The following GALNT13 variants were observed in gnomAD, a reference collection of about 807,000 sequenced individuals.
GALNT13 encodes polypeptide N-acetylgalactosaminyltransferase 13.
A neutral mutation model predicts 64.2 loss-of-function variants in GALNT13; 28 were observed. The observed-to-expected ratio is 0.44, with a 90% confidence interval of 0.32 to 0.60. GALNT13 has a LOEUF of 0.60. Among genes scored for constraint, GALNT13 ranks in the 20% least tolerant of loss-of-function variants. The probability of loss-of-function intolerance (pLI) is 0.05; values close to 1 mark genes in which losing one functional copy is unlikely to be tolerated. For missense variants in GALNT13, 577 were observed against 669.8 expected (o/e 0.86, Z 1.53); for synonymous variants, 214 against 224.6 (o/e 0.95, Z 0.42).
At chr2:153,818,059 G>A in the GALNT13 span, among the ~76,000 whole-genome samples, 1 of 152,196 alleles carries the variant, frequency 6.6e-6, no homozygotes, top group South Asian at 2.1e-4. Flanking sequence ...GAATGGAGAG[G>A]AATAAAGCTG....
chr2:153,926,417 A>G (rs1690140638), intron 2 of GALNT13: 1 of 152,132 alleles, frequency 6.6e-6, no homozygotes, highest in African/African-American at 2.4e-5. Context: ...TGTTTAAACA[A>G]AAGCCACATA....
chr2:154,287,913 A>G (rs1692367243), intron 8 of GALNT13, among the ~76,000 whole-genome samples: 2 of 152,222 alleles, frequency 1.3e-5, no homozygotes, highest in Middle Eastern at 3.4e-3. Flanking sequence ...TGCGTTGGAG[A>G]TATTCCTCCC....
the GALNT13 span, among the ~76,000 whole-genome samples, chr2:153,607,180 C>T: frequency 6.6e-6 from 1 of 151,744 alleles, no homozygotes; most frequent in African/African-American, 2.4e-5. Flanking sequence ...ATTGATACAT[C>T]GTATGTAGAT....
the GALNT13 span, among the ~76,000 whole-genome samples, chr2:153,647,683 T>C: frequency 3.9e-5 from 6 of 152,220 alleles, no homozygotes; most frequent in Non-Finnish European, 7.3e-5. Context: ...TTTCTACATA[T>C]GGCTAGCCAG....
At chr2:154,134,134 A>C (rs970091166) in intron 3 of GALNT13, among the ~76,000 whole-genome samples, 4 of 152,194 alleles carry the variant, frequency 2.6e-5, no homozygotes, top group African/African-American at 9.6e-5. Context: ...AGGCTGGAAA[A>C]TGTTGCATAG....
At chr2:153,813,656 C>T in the GALNT13 span, among the ~76,000 whole-genome samples, 1 of 152,154 alleles carries the variant, frequency 6.6e-6, no homozygotes, top group Non-Finnish European at 1.5e-5. Flanking sequence ...CAACTTCCCG[C>T]AAATGATTAT....
intron 9 of GALNT13, among the ~76,000 whole-genome samples, chr2:154,369,396 G>A (rs1697555128): frequency 6.6e-6 from 1 of 152,054 alleles, no homozygotes; most frequent in African/African-American, 2.4e-5. Context: ...AGAAATGAAT[G>A]TACAATACCA....
chr2:154,279,796 A>AT (rs1373746383), intron 8 of GALNT13, among the ~76,000 whole-genome samples: 5 of 152,062 alleles, frequency 3.3e-5, no homozygotes, highest in Non-Finnish European at 5.9e-5. Context: ...TTACCAATTA[A>AT]TTTTTTTAAT....
intron 11 of GALNT13, among the ~76,000 whole-genome samples, chr2:154,411,620 T>C (rs980801190): frequency 2.0e-5 from 3 of 151,848 alleles, no homozygotes; most frequent in Non-Finnish European, 4.4e-5. Context: ...ATGGATGCTA[T>C]GTAATCTATT....
At chr2:154,018,171 C>T (rs1462343483) in intron 3 of GALNT13, among the ~76,000 whole-genome samples, 1 of 152,222 alleles carries the variant, frequency 6.6e-6, no homozygotes, top group African/African-American at 2.4e-5. Context: ...CAACTGCAAT[C>T]TCATACACTC....
intron 3 of GALNT13, among the ~76,000 whole-genome samples, chr2:154,079,700 A>T (rs1296552668): frequency 6.6e-6 from 1 of 151,528 alleles, no homozygotes; most frequent in African/African-American, 2.4e-5. Context: ...TGTGATTACG[A>T]AGTTGCTTGC....
chr2:153,769,689 T>C, the GALNT13 span, among the ~76,000 whole-genome samples: 1 of 152,224 alleles, frequency 6.6e-6, no homozygotes, highest in African/African-American at 2.4e-5. Flanking sequence ...ACTTTTTTAC[T>C]TTTTTCTTCC....
the GALNT13 span, among the ~76,000 whole-genome samples, chr2:153,661,573 A>G: frequency 1.3e-5 from 2 of 151,788 alleles, no homozygotes; most frequent in African/African-American, 2.4e-5. Context: ...ATTGATATCA[A>G]CTCCCTGGTA....
At chr2:153,613,909 G>A in the GALNT13 span, among the ~76,000 whole-genome samples, 1 of 152,122 alleles carries the variant, frequency 6.6e-6, no homozygotes, top group Admixed American at 6.6e-5. Context: ...TATACCTAAT[G>A]TAAATGACGA....
chr2:154,445,744 T>A, intron 12 of GALNT13: 1 of 1,155,536 alleles, frequency 8.7e-7, no homozygotes, highest in Non-Finnish European at 1.1e-6. Flanking sequence ...AGAAGTAGCT[T>A]AATTTTAACA....
At chr2:153,101,492 T>C in the GALNT13 span, among the ~76,000 whole-genome samples, 2 of 152,214 alleles carry the variant, frequency 1.3e-5, no homozygotes, top group Non-Finnish European at 2.9e-5. Context: ...TCTGTTTTTT[T>C]GCACTTTTGA....
intron 4 of GALNT13, among the ~76,000 whole-genome samples, chr2:154,152,225 A>C (rs900465058): frequency 2.0e-5 from 3 of 152,278 alleles, no homozygotes; most frequent in Admixed American, 1.3e-4. Flanking sequence ...TCTGGGTTGA[A>C]AATTCTTTTC....
chr2:153,301,171 G>A, the GALNT13 span, among the ~76,000 whole-genome samples: 1 of 151,918 alleles, frequency 6.6e-6, no homozygotes, highest in Non-Finnish European at 1.5e-5. Flanking sequence ...ACTCCAGCCT[G>A]AGCGACCGGA....
intron 3 of GALNT13, among the ~76,000 whole-genome samples, chr2:154,084,979 GT>G (rs574661551): frequency 1.3e-5 from 2 of 151,772 alleles, no homozygotes; most frequent in Non-Finnish European, 1.5e-5. Context: ...GTCATCCTTA[GT>G]TTTTGGTCTT....
Sources: allele counts gnomAD v4.1 joint callset (sites outside exome capture counted in the v4.1 genomes callset), GRCh38; gene constraint gnomAD v4.1.1; transcripts MANE v1.5; gene names NCBI Gene and HGNC (gene_info 2026-07-23, HGNC 2026-07-21).